DISP1: variants seen among roughly 807,000 people sequenced by gnomAD.
DISP1 encodes protein dispatched homolog 1.
Under a neutral mutation model 37.3 loss-of-function variants are expected in DISP1, and 30 were observed. The ratio of observed to expected loss-of-function variants is 0.80; its 90% CI spans 0.60 to 1.09. The LOEUF (loss-of-function observed/expected upper bound fraction) is 1.09. Ranked by LOEUF, DISP1 falls within the 50% of genes least tolerant of loss-of-function variation. The pLI, the probability that DISP1 is intolerant of heterozygous loss-of-function variation, is 0.00. For missense variants in DISP1, 1,598 were observed against 1,879.5 expected, an observed-to-expected ratio of 0.85 and a Z score of 2.77; for synonymous variants, 634 against 690.2, an observed-to-expected ratio of 0.92 and a Z score of 1.28.
chr1:223,003,452 A>G lies in DISP1; in HGVS notation c.2055A>G (p.Thr685=). Residue 685 remains threonine (T), a synonymous_variant, in exon 9 of 9, where the codon ACA becomes ACG. Coordinates refer to ENST00000675850, the MANE Select transcript of DISP1 (RefSeq NM_001377229.1). This position sits in a 1 kb window ranked among gnomAD's most constrained non-coding sequence, Gnocchi z 4.3. ...TATATGATAACAAAAGCTGCTGGAC[A>G]GTGGCTTGCCAGAAGTGCCACAAAG... The part of the protein sequence containing the change: ...QQIYDNKSCW[T]VACQKCHKVL... The G allele has an allele frequency of 6.2e-7, 1 of 1,614,196 alleles. No homozygotes were observed. Among genetic ancestry groups the G allele is most frequent in the Non-Finnish European group, 8.5e-7 (1 of 1,180,042 alleles).
intron 1 of DISP1, among the ~76,000 whole-genome samples, chr1:222,925,316 C>G (rs1319134843): frequency 6.6e-6 from 1 of 152,064 alleles, no homozygotes; most frequent in Non-Finnish European, 1.5e-5. Context: ...TTTATAGGAT[C>G]AACAACTCTA....
At chr1:222,869,418 A>G (rs1669390213) in intron 1 of DISP1, among the ~76,000 whole-genome samples, 1 of 152,222 alleles carries the variant, frequency 6.6e-6, no homozygotes, top group African/African-American at 2.4e-5. Context: ...ACAAAATACC[A>G]GCCCTTTTCT....
At chr1:222,839,984 T>A (rs1280037574) in intron 1 of DISP1, among the ~76,000 whole-genome samples, 2 of 151,960 alleles carry the variant, frequency 1.3e-5, no homozygotes, top group Non-Finnish European at 2.9e-5. Flanking sequence ...TAATCTAGCC[T>A]GTCTTAAATG....
chr1:222,969,370 C>CAAAAAAAAAAAAAAAAAAAA (rs71178518), intron 3 of DISP1, among the ~76,000 whole-genome samples: 16 of 29,862 alleles, frequency 5.4e-4, no homozygotes, highest in Non-Finnish European at 5.8e-4. Flanking sequence ...AACTTGGTCT[C>CAAAAAAAAAAAAAAAAAAAA]AAAAAAAAAA....
Position 222,891,572 on chromosome 1 carries a change from A to C in DISP1, c.-158-36858A>C, listed in dbSNP as rs549562162. Among the ~76,000 whole-genome samples the C allele has an allele frequency of 1.4e-3, 214 of 152,268 alleles. 1 individual carries two copies. The highest frequency in any genetic ancestry group is 4.4e-3 in the African/African-American group (184 of 41,568). ...AAAGAGGGGGCCAGAATAAAAAGCC[A>C]ACAAAAAAAACAAAAAAGCAGGAAA... On this transcript the variant is annotated intron_variant, in intron 1 of 8. Coordinates refer to ENST00000675850, the MANE Select transcript of DISP1 (RefSeq NM_001377229.1).
intron 1 of DISP1, among the ~76,000 whole-genome samples, chr1:222,844,434 A>T (rs540187244): frequency 1.2e-4 from 18 of 152,268 alleles, no homozygotes; most frequent in Non-Finnish European, 2.1e-4. Context: ...TATTATCTAT[A>T]TCAGTACTGA....
chr1:222,936,911 A>ATTAT (rs1457525130), intron 2 of DISP1, among the ~76,000 whole-genome samples: 12 of 95,432 alleles, frequency 1.3e-4, no homozygotes, highest in African/African-American at 5.2e-4. Flanking sequence ...TATATAATAT[A>ATTAT]TTATATATTA....
intron 2 of DISP1, among the ~76,000 whole-genome samples, chr1:222,929,297 A>C (rs1197273541): frequency 6.6e-6 from 1 of 152,168 alleles, no homozygotes; most frequent in Non-Finnish European, 1.5e-5. Flanking sequence ...ATGAGAATGG[A>C]TAATTTATTT....
At chr1:222,918,533 A>G (rs1672620817) in intron 1 of DISP1, among the ~76,000 whole-genome samples, 1 of 152,136 alleles carries the variant, frequency 6.6e-6, no homozygotes, top group Admixed American at 6.6e-5. Flanking sequence ...CCATGAAAGG[A>G]GAGATGAGGG....
At chr1:222,830,495 C>G (rs1379396715) in intron 1 of DISP1, among the ~76,000 whole-genome samples, 1 of 152,116 alleles carries the variant, frequency 6.6e-6, no homozygotes, top group Non-Finnish European at 1.5e-5. Flanking sequence ...ATTCTCCTTC[C>G]TCAGCCTCCT....
chr1:222,937,960 G>A (rs940064601), intron 2 of DISP1, among the ~76,000 whole-genome samples: 2 of 152,030 alleles, frequency 1.3e-5, no homozygotes, highest in Non-Finnish European at 2.9e-5. Context: ...CACAACCTCC[G>A]TCTCTTGGGC....
chr1:222,922,293 C>T (rs139801450), intron 1 of DISP1, among the ~76,000 whole-genome samples: 9 of 151,996 alleles, frequency 5.9e-5, no homozygotes, highest in African/African-American at 1.7e-4. Context: ...TATGATGTAT[C>T]GAGAAGCTCT....
chr1:222,934,107 G>C (rs1673569050), intron 2 of DISP1, among the ~76,000 whole-genome samples: 1 of 151,976 alleles, frequency 6.6e-6, no homozygotes, highest in Non-Finnish European at 1.5e-5. Flanking sequence ...TTTTCATGTG[G>C]ACCTTCAGAC....
chr1:222,978,530 T>G (rs1677579196), intron 3 of DISP1, among the ~76,000 whole-genome samples: 2 of 152,224 alleles, frequency 1.3e-5, no homozygotes, highest in African/African-American at 4.8e-5. Context: ...TTTAATTAGA[T>G]CCGATTTGTC....
intron 1 of DISP1, among the ~76,000 whole-genome samples, chr1:222,844,519 C>T (rs1254929569): frequency 1.3e-5 from 2 of 152,036 alleles, no homozygotes; most frequent in Non-Finnish European, 2.9e-5. Context: ...TGTATTAGAC[C>T]GTTAAAACAA....
chr1:222,948,147 G>A (rs1176884905), intron 3 of DISP1, among the ~76,000 whole-genome samples: 1 of 152,150 alleles, frequency 6.6e-6, no homozygotes, highest in Non-Finnish European at 1.5e-5. Context: ...CTTCCAGAGA[G>A]GACTACAGAG....
intron 3 of DISP1, among the ~76,000 whole-genome samples, chr1:222,945,427 A>G (rs901339337): frequency 5.3e-5 from 8 of 152,250 alleles, no homozygotes; most frequent in Non-Finnish European, 2.9e-5. Flanking sequence ...AATAAATTAT[A>G]TGGTTGCAAA....
intron 3 of DISP1, among the ~76,000 whole-genome samples, chr1:222,967,222 A>T (rs1389309872): frequency 6.6e-6 from 1 of 152,148 alleles, no homozygotes; most frequent in East Asian, 1.9e-4. Context: ...TTTTGATTTC[A>T]GAATCTGAGA....
chr1:222,828,023 T>C (rs546640321), intron 1 of DISP1, among the ~76,000 whole-genome samples: 43 of 152,342 alleles, frequency 2.8e-4, no homozygotes, highest in Admixed American at 1.2e-3. Context: ...AAGGTGTCTG[T>C]GCATCTTTGT....
Sources: allele counts gnomAD v4.1 joint callset (sites outside exome capture counted in the v4.1 genomes callset), GRCh38; gene constraint gnomAD v4.1.1; non-coding constraint Gnocchi (gnomAD v3.1); transcripts MANE v1.5; gene names NCBI Gene and HGNC (gene_info 2026-07-23, HGNC 2026-07-21).